PLXNC1: variants seen among roughly 807,000 people sequenced by gnomAD.
PLXNC1 encodes plexin C1, also known as plexin-C1.
A neutral mutation model predicts 178.2 loss-of-function variants in PLXNC1; 75 were observed. The ratio of observed to expected loss-of-function variants is 0.42; its 90% CI spans 0.35 to 0.51. PLXNC1 has a LOEUF of 0.51. PLXNC1 is among the 20% of genes least tolerant of loss of function. The probability of loss-of-function intolerance (pLI) is 0.02; values close to 1 mark genes in which losing one functional copy is unlikely to be tolerated. For missense variants in PLXNC1, 1,503 were observed against 1,984.4 expected (o/e 0.76, Z 4.61); for synonymous variants, 790 against 779.9 (o/e 1.01, Z -0.22).
intron 21 of PLXNC1, among the ~76,000 whole-genome samples, chr12:94,268,137 A>G (rs1481815270): frequency 2.0e-5 from 3 of 152,220 alleles, no homozygotes; most frequent in Non-Finnish European, 2.9e-5. Context: ...ACTCGTGTTC[A>G]GCTAAATGCT....
intron 24 of PLXNC1, 99 bp from the exon 25 acceptor site, chr12:94,297,090 A>C: frequency 8.8e-7 from 1 of 1,139,032 alleles, no homozygotes; most frequent in South Asian, 1.3e-5. Context: ...AAGTAACTTC[A>C]GTATACAGCA....
chr12:94,154,473 C>T (rs1056224171), intron 1 of PLXNC1, among the ~76,000 whole-genome samples: 5 of 152,134 alleles, frequency 3.3e-5, no homozygotes, highest in African/African-American at 1.2e-4. Context: ...CTCATGAATC[C>T]AGAGAATATT....
Position 94,149,076 on chromosome 12 carries a change from G to C in PLXNC1, c.105G>C (p.Ala35=). 6.4e-7 allele frequency: 1 copy of C among 1,564,994 alleles called. No individual in the cohort carries two copies. Among genetic ancestry groups the C allele is most frequent in the Non-Finnish European group, 8.6e-7 (1 of 1,163,730 alleles). Reference sequence around the variant, plus strand: ...CACTGGCGGCTCCCGGCCGGGGCGCGGACGAGCCCGTGTGGCGGTCGGAGC... The same window carrying C: ...CACTGGCGGCTCCCGGCCGGGGCGCCGACGAGCCCGTGTGGCGGTCGGAGC... ...LLALAAPGRG[A]DEPVWRSEQA... is the part of the protein sequence containing the mutation. Residue 35 remains alanine, a synonymous_variant, in exon 1 of 31, where the codon GCG becomes GCC. Transcript: ENST00000258526.
chr12:94,212,602 T>G (rs1963514603), intron 5 of PLXNC1, among the ~76,000 whole-genome samples: 2 of 152,110 alleles, frequency 1.3e-5, no homozygotes, highest in African/African-American at 4.8e-5. Flanking sequence ...TGTGATAGTT[T>G]GCTGAGAATG....
intron 11 of PLXNC1, among the ~76,000 whole-genome samples, chr12:94,242,602 G>A (rs192542801): frequency 6.6e-6 from 1 of 152,100 alleles, no homozygotes; most frequent in East Asian, 1.9e-4. Context: ...ATTTTATGGG[G>A]ACACATTTTT....
intron 28 of PLXNC1, among the ~76,000 whole-genome samples, chr12:94,301,966 ACTTAGCCTTATCC>A (rs1320770443): frequency 6.7e-6 from 1 of 149,632 alleles, no homozygotes. Flanking sequence ...TAGCCTTATC[ACTTAGCCTTATCC>A]CTTCATCCCG....
Position 94,220,018 on chromosome 12 carries a change from T to A in PLXNC1, c.1557T>A (p.Thr519=), listed in dbSNP as rs924632188. The A allele has an allele frequency of 3.7e-6, 6 of 1,613,732 alleles. No individual in the cohort carries two copies. Among genetic ancestry groups the A allele is most frequent in the Non-Finnish European group, 2.5e-6 (3 of 1,179,794 alleles). The stretch of plus-strand genomic sequence containing the variant: ...TTCCCCATATCTTCCCCGCACAGAC[T>A]ACAGTGACTATGGTGGGAAGCTTCT... ...IQIIRSSKEK[T]TVTMVGSFSP... The change falls in exon 6 of 31, where the codon ACT becomes ACA. Residue 519 remains threonine (T), a splice_region_variant and synonymous_variant. Transcript: ENST00000258526.
chr12:94,277,748 C>T, intron 21 of PLXNC1: 1 of 350,530 alleles, frequency 2.9e-6, no homozygotes, highest in Non-Finnish European at 5.7e-6. Flanking sequence ...GATACTAATG[C>T]CAACAATAGT....
At chr12:94,220,897 C>A (rs575264110) in intron 6 of PLXNC1, among the ~76,000 whole-genome samples, 3 of 152,202 alleles carry the variant, frequency 2.0e-5, no homozygotes, top group African/African-American at 7.2e-5. Context: ...AGACAAAAAG[C>A]TTTATTTGAA....
chr12:94,207,924 T>A (rs192386823), intron 4 of PLXNC1, among the ~76,000 whole-genome samples: 114 of 148,376 alleles, frequency 7.7e-4, no homozygotes, highest in African/African-American at 2.6e-3. Flanking sequence ...AATTGGCTTA[T>A]TTTTTTTTTT....
At chr12:94,267,329 C>T (rs1325581403) in intron 21 of PLXNC1, among the ~76,000 whole-genome samples, 10 of 152,278 alleles carry the variant, frequency 6.6e-5, no homozygotes, top group East Asian at 3.9e-4. Flanking sequence ...TACATCTGAA[C>T]GTGTTTTCTC....
intron 8 of PLXNC1, 54 bp from the exon 9 acceptor site, chr12:94,227,095 C>A: frequency 8.9e-7 from 1 of 1,118,842 alleles, no homozygotes; most frequent in Non-Finnish European, 1.4e-6. Flanking sequence ...ATGTTTGTTG[C>A]ACACTTTGAA....
chr12:94,251,655 A>G, intron 15 of PLXNC1, 127 bp downstream of exon 15: 1 of 683,026 alleles, frequency 1.5e-6, no homozygotes, highest in Middle Eastern at 2.5e-4. Context: ...CCAAATCAAA[A>G]CTTTGAGAAA....
chr12:94,258,945 A>G (rs1354872343), intron 17 of PLXNC1, among the ~76,000 whole-genome samples: 1 of 152,248 alleles, frequency 6.6e-6, no homozygotes, highest in Non-Finnish European at 1.5e-5. Context: ...TAAGACTTGT[A>G]AAACTTAACA....
intron 1 of PLXNC1, among the ~76,000 whole-genome samples, chr12:94,157,725 G>A (rs919283395): frequency 6.6e-5 from 10 of 152,188 alleles, no homozygotes; most frequent in African/African-American, 2.4e-4. Context: ...GGTCAATGCT[G>A]TTATGCAGGG....
intron 4 of PLXNC1, among the ~76,000 whole-genome samples, chr12:94,187,182 G>GAA (rs1304588627): frequency 1.1e-5 from 1 of 88,590 alleles, no homozygotes; most frequent in East Asian, 3.8e-4. Context: ...GAAAGAGAGA[G>GAA]AGAGAGAGAG....
At chr12:94,269,525 A>T (rs2136102387) in intron 21 of PLXNC1, among the ~76,000 whole-genome samples, 1 of 152,320 alleles carries the variant, frequency 6.6e-6, no homozygotes, top group East Asian at 1.9e-4. Context: ...TGCTCTGCCT[A>T]CCAGTGCTGG....
intron 2 of PLXNC1, among the ~76,000 whole-genome samples, chr12:94,178,692 A>G (rs773935861): frequency 2.0e-4 from 30 of 152,222 alleles, no homozygotes; most frequent in African/African-American, 6.0e-4. Flanking sequence ...TGTACTCTCC[A>G]GTATGGTAGC....
intron 11 of PLXNC1, among the ~76,000 whole-genome samples, chr12:94,243,487 C>G (rs1436058273): frequency 6.6e-6 from 1 of 152,186 alleles, no homozygotes; most frequent in Non-Finnish European, 1.5e-5. Flanking sequence ...CAAAGTGTTT[C>G]CTGTCTCTCT....
Sources: gnomAD v4.1 joint callset for allele counts (sites outside exome capture counted in the v4.1 genomes callset) on GRCh38, gnomAD v4.1.1 for gene constraint, MANE v1.5 for transcripts, NCBI Gene and HGNC (gene_info 2026-07-23, HGNC 2026-07-21) for gene names.